The following BRINP3 variants were observed in gnomAD, a reference collection of about 807,000 sequenced individuals.
The protein encoded by BRINP3 is BMP/retinoic acid-inducible neural-specific protein 3.
In BRINP3, 19 loss-of-function variants were observed where a neutral mutation model predicts 71.0. The observed-to-expected ratio is 0.27, with a 90% CI of 0.19 to 0.39. BRINP3 has a LOEUF of 0.39. Among genes scored for constraint, BRINP3 ranks in the 10% least tolerant of loss-of-function variants. The probability of loss-of-function intolerance (pLI) is 1.00; values close to 1 mark genes in which losing one functional copy is unlikely to be tolerated. For synonymous variants in BRINP3, 380 were observed against 337.7 expected (o/e 1.13, Z -1.37); for missense variants, 959 against 940.8 (o/e 1.02, Z -0.25).
intron 2 of BRINP3, among the ~76,000 whole-genome samples, chr1:190,374,452 A>C (rs1014189399): frequency 6.6e-6 from 1 of 152,172 alleles, no homozygotes; most frequent in Non-Finnish European, 1.5e-5. Flanking sequence ...TTACCAATTT[A>C]ATTCGTCAAA....
intron 6 of BRINP3, among the ~76,000 whole-genome samples, chr1:190,195,979 A>C (rs1654442827): frequency 6.6e-6 from 1 of 152,134 alleles, no homozygotes; most frequent in Non-Finnish European, 1.5e-5. Context: ...TATTACATGT[A>C]AGATAACTGT....
At chr1:190,314,239 A>C (rs1665730743) in intron 2 of BRINP3, among the ~76,000 whole-genome samples, 1 of 152,070 alleles carries the variant, frequency 6.6e-6, no homozygotes, top group Admixed American at 6.6e-5. Flanking sequence ...AACATATTGG[A>C]AAAATAATAA....
intron 2 of BRINP3, among the ~76,000 whole-genome samples, chr1:190,372,204 G>A (rs1669914534): frequency 1.3e-5 from 2 of 152,270 alleles, no homozygotes; most frequent in Admixed American, 6.5e-5. Context: ...GACCTCAGAC[G>A]TCCTTCATTC....
chr1:190,233,863 A>G (rs960088395), intron 5 of BRINP3, among the ~76,000 whole-genome samples: 9 of 152,218 alleles, frequency 5.9e-5, no homozygotes, highest in African/African-American at 2.2e-4. Context: ...TTTTTATAAA[A>G]TCTATCTTTA....
intron 7 of BRINP3, 65 bp from the exon 8 acceptor site, chr1:190,099,199 G>A: frequency 4.1e-6 from 6 of 1,463,726 alleles, no homozygotes; most frequent in Non-Finnish European, 4.6e-6. Context: ...GCAGTAAACC[G>A]TAGCTCAGAA....
intron 2 of BRINP3, among the ~76,000 whole-genome samples, chr1:190,433,714 G>T (rs1674259246): frequency 6.6e-6 from 1 of 152,002 alleles, no homozygotes; most frequent in South Asian, 2.1e-4. Context: ...ATTGTCTTCT[G>T]ACCTGCAATT....
chr1:190,243,434 A>C (rs553374663), intron 4 of BRINP3, among the ~76,000 whole-genome samples: 1 of 152,132 alleles, frequency 6.6e-6, no homozygotes, highest in Admixed American at 6.6e-5. Flanking sequence ...AATTGCATGA[A>C]TATACATTTA....
At chr1:190,229,647 C>CA (rs1657760506) in intron 5 of BRINP3, among the ~76,000 whole-genome samples, 1 of 90,342 alleles carries the variant, frequency 1.1e-5, no homozygotes, top group Non-Finnish European at 2.0e-5. Context: ...CAAAACAAAA[C>CA]ACACACACAC....
chr1:190,207,194 C>T (rs191827903), intron 6 of BRINP3, among the ~76,000 whole-genome samples: 142 of 152,184 alleles, frequency 9.3e-4, no homozygotes, highest in African/African-American at 2.5e-3. Flanking sequence ...ATTTGACAAG[C>T]TTACCGCTAA....
intron 5 of BRINP3, among the ~76,000 whole-genome samples, chr1:190,230,476 A>G (rs1558088318): frequency 6.6e-6 from 1 of 151,914 alleles, no homozygotes; most frequent in Non-Finnish European, 1.5e-5. Context: ...TTCGTTATAC[A>G]TAAAAGAGGC....
intron 2 of BRINP3, among the ~76,000 whole-genome samples, chr1:190,390,170 T>C (rs749987076): frequency 1.3e-4 from 19 of 151,690 alleles, no homozygotes; most frequent in Non-Finnish European, 2.5e-4. Context: ...TTGTAATTGC[T>C]TCATTTCCTA....
At chr1:190,390,992 G>T (rs1408254989) in intron 2 of BRINP3, among the ~76,000 whole-genome samples, 1 of 151,816 alleles carries the variant, frequency 6.6e-6, no homozygotes, top group Non-Finnish European at 1.5e-5. Context: ...TTCTCAAAGA[G>T]TATGGCTGTG....
At position 190,234,434 on chromosome 1, in the gene BRINP3, T is replaced by C. The variant is rs764124876; in HGVS notation, c.662A>G (p.Asp221Gly). ...AACAGAACTGACAGAATCTAGGTTG[T>C]CATAGTTACTGCAGCCAAGAGGACC... The part of the protein sequence containing the change: ...RTGPLGCSNY[D>G]NLDSVSSVLV... The change falls in exon 5 of 8, where the codon GAC becomes GGC. Residue 221 changes from aspartate to glycine, a missense_variant. Asp to Gly is a moderately conservative substitution (Grantham distance 94, BLOSUM62 -1). Coordinates refer to ENST00000367462, the MANE Select transcript of BRINP3 (RefSeq NM_199051.3). The C allele has an allele frequency of 3.7e-6, 6 of 1,612,582 alleles. No homozygotes were observed. In the Admixed American group the frequency reaches 6.7e-5, roughly 18 times the overall value.
intron 2 of BRINP3, among the ~76,000 whole-genome samples, chr1:190,294,263 T>A (rs753594464): frequency 1.3e-4 from 1 of 7,606 alleles, no homozygotes; most frequent in African/African-American, 2.2e-4. Context: ...TCAAAATACC[T>A]TTTTTTTTTT....
At chr1:190,448,579 G>A (rs1487781851) in intron 2 of BRINP3, among the ~76,000 whole-genome samples, 3 of 151,306 alleles carry the variant, frequency 2.0e-5, no homozygotes, top group Non-Finnish European at 3.0e-5. Context: ...GAAGATCTAT[G>A]TATAATTTAC....
At chr1:190,293,543 T>A (rs185864196) in intron 2 of BRINP3, among the ~76,000 whole-genome samples, 1 of 152,326 alleles carries the variant, frequency 6.6e-6, no homozygotes, top group Non-Finnish European at 1.5e-5. Flanking sequence ...CCATTTGGTC[T>A]GGAGCATAGT....
At chr1:190,198,613 A>T (rs1654709744) in intron 6 of BRINP3, among the ~76,000 whole-genome samples, 1 of 152,076 alleles carries the variant, frequency 6.6e-6, no homozygotes, top group Non-Finnish European at 1.5e-5. Flanking sequence ...AGTTTCACAA[A>T]TCTCTAGGGC....
chr1:190,400,874 C>T (rs989885900), intron 2 of BRINP3, among the ~76,000 whole-genome samples: 3 of 152,166 alleles, frequency 2.0e-5, no homozygotes, highest in Admixed American at 2.0e-4. Flanking sequence ...AATTCCCTAA[C>T]AACTATTATT....
intron 6 of BRINP3, among the ~76,000 whole-genome samples, chr1:190,211,957 T>G (rs1656024313): frequency 6.6e-6 from 1 of 152,116 alleles, no homozygotes; most frequent in African/African-American, 2.4e-5. Flanking sequence ...TGGTTTTGCA[T>G]AACAATCTTG....
Sources: allele counts gnomAD v4.1 joint callset (sites outside exome capture counted in the v4.1 genomes callset), GRCh38; gene constraint gnomAD v4.1.1; transcripts MANE v1.5; gene names NCBI Gene and HGNC (gene_info 2026-07-23, HGNC 2026-07-21).